Variants in FHIT observed in about 807,000 individuals in gnomAD.
The protein encoded by FHIT is bis(5'-adenosyl)-triphosphatase.
FHIT carries 19 observed loss-of-function variants against 17.9 expected under a neutral mutation model. The ratio of observed to expected loss-of-function variants is 1.06; its 90% confidence interval spans 0.74 to 1.56. The LOEUF (loss-of-function observed/expected upper bound fraction) is 1.56, where lower values mean the gene tolerates loss of function less well. Ranked by LOEUF, FHIT falls within the 40% of genes most tolerant of loss-of-function variation. The pLI is 0.00. For synonymous variants in FHIT, 81 were observed against 69.7 expected (o/e 1.16, Z -0.81); for missense variants, 248 against 189.2 (o/e 1.31, Z -1.82).
chr3:60,708,711 C>T (rs2041437584), intron 4 of FHIT, among the ~76,000 whole-genome samples: 1 of 152,162 alleles, frequency 6.6e-6, no homozygotes, highest in South Asian at 2.1e-4. Flanking sequence ...TAATCCATCA[C>T]TTTGCAATAT....
chr3:60,031,475 G>T (rs1700998286), intron 5 of FHIT, among the ~76,000 whole-genome samples: 1 of 152,214 alleles, frequency 6.6e-6, no homozygotes, highest in Non-Finnish European at 1.5e-5. Flanking sequence ...CCTGTGGAGT[G>T]ACTCAGATCT....
chr3:60,354,606 G>C (rs1041301269), intron 5 of FHIT, among the ~76,000 whole-genome samples: 12 of 148,290 alleles, frequency 8.1e-5, no homozygotes, highest in Admixed American at 3.3e-4. Context: ...AAATATTTTA[G>C]TGTTATTGAG....
chr3:60,292,773 A>G (rs1299093701), intron 5 of FHIT, among the ~76,000 whole-genome samples: 2 of 152,186 alleles, frequency 1.3e-5, no homozygotes, highest in Non-Finnish European at 2.9e-5. Context: ...ATGAAGAAAA[A>G]AAGTGTGCAA....
intron 5 of FHIT, among the ~76,000 whole-genome samples, chr3:60,118,952 C>T (rs959372212): frequency 1.3e-5 from 2 of 149,976 alleles, no homozygotes; most frequent in African/African-American, 2.4e-5. Flanking sequence ...ACGTGGGAGG[C>T]GGAGGTTGCA....
chr3:59,793,606 A>C (rs1432720340), intron 8 of FHIT, among the ~76,000 whole-genome samples: 2 of 152,188 alleles, frequency 1.3e-5, no homozygotes, highest in African/African-American at 4.8e-5. Context: ...CCTTGCGAGA[A>C]TTCAATGAAA....
At chr3:60,332,636 A>G (rs943870363) in intron 5 of FHIT, among the ~76,000 whole-genome samples, 1 of 152,140 alleles carries the variant, frequency 6.6e-6, no homozygotes, top group Non-Finnish European at 1.5e-5. Context: ...TTCCCTCTTA[A>G]TGCTATTATT....
chr3:60,950,614 T>A (rs1708835635), intron 3 of FHIT, among the ~76,000 whole-genome samples: 1 of 152,012 alleles, frequency 6.6e-6, no homozygotes, highest in Non-Finnish European at 1.5e-5. Flanking sequence ...CCTCCTGGGT[T>A]CAAGTGATTC....
At chr3:60,825,975 T>C (rs1702097776) in intron 3 of FHIT, among the ~76,000 whole-genome samples, 1 of 152,080 alleles carries the variant, frequency 6.6e-6, no homozygotes. Context: ...GTTTTATCAA[T>C]AACTTCTTTA....
intron 3 of FHIT, among the ~76,000 whole-genome samples, chr3:60,883,057 C>G (rs1300791560): frequency 6.6e-6 from 1 of 152,044 alleles, no homozygotes; most frequent in African/African-American, 2.4e-5. Context: ...AGTACCATTT[C>G]TATACACCAA....
intron 5 of FHIT, among the ~76,000 whole-genome samples, chr3:60,118,522 G>C (rs888644199): frequency 2.0e-5 from 3 of 151,900 alleles, no homozygotes; most frequent in Non-Finnish European, 4.4e-5. Flanking sequence ...CAGTAGGGAG[G>C]CATAATACTG....
At chr3:60,336,673 C>T (rs1710255692) in intron 5 of FHIT, among the ~76,000 whole-genome samples, 1 of 152,128 alleles carries the variant, frequency 6.6e-6, no homozygotes, top group African/African-American at 2.4e-5. Flanking sequence ...TTGTCCATGA[C>T]CACATGTGGC....
At chr3:60,477,414 T>C (rs2033401031) in intron 5 of FHIT, among the ~76,000 whole-genome samples, 1 of 152,186 alleles carries the variant, frequency 6.6e-6, no homozygotes, top group African/African-American at 2.4e-5. Context: ...TGCCTGCCTT[T>C]GGATTTCTTT....
chr3:60,512,653 G>A (rs2034994649), intron 5 of FHIT, among the ~76,000 whole-genome samples: 1 of 152,212 alleles, frequency 6.6e-6, no homozygotes, highest in African/African-American at 2.4e-5. Flanking sequence ...TGTCATTAGT[G>A]ATGCCAATAG....
At chr3:60,365,138 T>C (rs1035792027) in intron 5 of FHIT, among the ~76,000 whole-genome samples, 20 of 149,178 alleles carry the variant, frequency 1.3e-4, no homozygotes, top group African/African-American at 3.9e-4. Flanking sequence ...AAGACCTATA[T>C]ATACAGTATA....
intron 5 of FHIT, among the ~76,000 whole-genome samples, chr3:60,393,935 T>C (rs1008246897): frequency 6.6e-6 from 1 of 152,156 alleles, no homozygotes; most frequent in African/African-American, 2.4e-5. Flanking sequence ...AGAGAGTTCT[T>C]TTGTTCCCAG....
chr3:60,862,637 G>A (rs1032202620), intron 3 of FHIT, among the ~76,000 whole-genome samples: 2 of 151,992 alleles, frequency 1.3e-5, no homozygotes, highest in Middle Eastern at 3.2e-3. Flanking sequence ...GTCACTTGAG[G>A]TCAGAAGTTG....
At chr3:60,754,832 T>C (rs1217105408) in intron 4 of FHIT, among the ~76,000 whole-genome samples, 4 of 152,192 alleles carry the variant, frequency 2.6e-5, no homozygotes, top group Non-Finnish European at 4.4e-5. Context: ...AACCTGACAG[T>C]GTCCCATTGC....
Position 60,737,087 on chromosome 3 carries a change from G to A in FHIT, c.-18+84832C>T, listed in dbSNP as rs891338505. On this transcript the variant is annotated intron_variant, in intron 4 of 9. Coordinates refer to ENST00000492590, the MANE Select transcript of FHIT (RefSeq NM_002012.4). Reference sequence around the variant, plus strand: ...TAGCAGGCATACATAAAAGCTATTCGGAGATCTCTTGAGGTTAACAGCATG... The same window carrying A: ...TAGCAGGCATACATAAAAGCTATTCAGAGATCTCTTGAGGTTAACAGCATG... 1.1e-4 allele frequency among the ~76,000 whole-genome samples: 16 copies of A among 152,188 alleles called. No individual in the cohort carries two copies. In the South Asian group the frequency reaches 1.5e-3, roughly 14 times the overall value.
intron 4 of FHIT, among the ~76,000 whole-genome samples, chr3:60,681,292 T>C (rs1010476959): frequency 2.0e-5 from 3 of 152,216 alleles, no homozygotes; most frequent in South Asian, 4.1e-4. Flanking sequence ...GTAAGTGTTA[T>C]GGAGCCCAAT....
Sources: allele counts gnomAD v4.1 joint callset (sites outside exome capture counted in the v4.1 genomes callset), GRCh38; gene constraint gnomAD v4.1.1; transcripts MANE v1.5; gene names NCBI Gene and HGNC (gene_info 2026-07-23, HGNC 2026-07-21).